SLC9A9: variants seen among roughly 807,000 people sequenced by gnomAD.
SLC9A9 encodes sodium/hydrogen exchanger 9.
In SLC9A9, 62 loss-of-function variants were observed where a neutral mutation model predicts 77.8. That is an observed-to-expected ratio of 0.80 (90% CI 0.65 to 0.98). The LOEUF (loss-of-function observed/expected upper bound fraction) is 0.98, where lower values mean the gene tolerates loss of function less well. Ranked by LOEUF, SLC9A9 falls within the 50% of genes least tolerant of loss-of-function variation. The pLI is 0.00. For missense variants in SLC9A9, 775 were observed against 774.9 expected (o/e 1.00, Z 0.00); for synonymous variants, 320 against 283.5 (o/e 1.13, Z -1.29).
At chr3:143,755,351 G>A (rs1442137144) in intron 4 of SLC9A9, among the ~76,000 whole-genome samples, 3 of 152,184 alleles carry the variant, frequency 2.0e-5, no homozygotes, top group Non-Finnish European at 4.4e-5. Flanking sequence ...CCCCAAAATA[G>A]TTATGTGACC....
At chr3:143,828,360 A>G (rs2009351030) in intron 2 of SLC9A9, among the ~76,000 whole-genome samples, 1 of 152,168 alleles carries the variant, frequency 6.6e-6, no homozygotes, top group African/African-American at 2.4e-5. Context: ...AGCAGCTATT[A>G]GGCATGGGGC....
At chr3:143,417,846 C>G (rs186032968) in intron 12 of SLC9A9, among the ~76,000 whole-genome samples, 2 of 152,116 alleles carry the variant, frequency 1.3e-5, no homozygotes, top group Admixed American at 1.3e-4. Flanking sequence ...GGCCATGGAA[C>G]TATGGAAGAG....
At chr3:143,628,701 A>G (rs2038371133) in intron 6 of SLC9A9, among the ~76,000 whole-genome samples, 2 of 152,206 alleles carry the variant, frequency 1.3e-5, no homozygotes, top group Admixed American at 6.6e-5. Context: ...CTGTTAGAAT[A>G]ATCATTTTTT....
chr3:143,734,293 T>A (rs1020306708), intron 4 of SLC9A9, among the ~76,000 whole-genome samples: 1 of 151,984 alleles, frequency 6.6e-6, no homozygotes, highest in Non-Finnish European at 1.5e-5. Context: ...GTGATTTGAG[T>A]TGAAAAATAA....
intron 12 of SLC9A9, among the ~76,000 whole-genome samples, chr3:143,462,912 A>C (rs2035219450): frequency 6.6e-6 from 1 of 152,222 alleles, no homozygotes; most frequent in Non-Finnish European, 1.5e-5. Flanking sequence ...CTGATTCTGC[A>C]GCCTGGCGGT....
At chr3:143,811,619 G>T (rs1038741880) in intron 2 of SLC9A9, 2 of 452,022 alleles carry the variant, frequency 4.4e-6, no homozygotes, top group African/African-American at 2.0e-5. Flanking sequence ...GCCGACGTGG[G>T]TGGATCATTT....
chr3:143,794,244 C>G (rs2008306260), intron 4 of SLC9A9, among the ~76,000 whole-genome samples: 1 of 152,022 alleles, frequency 6.6e-6, no homozygotes, highest in Non-Finnish European at 1.5e-5. Context: ...CAGCTGTAGA[C>G]AGTAAAAATC....
At chr3:143,551,874 T>C (rs2108638552) in intron 9 of SLC9A9, among the ~76,000 whole-genome samples, 1 of 152,304 alleles carries the variant, frequency 6.6e-6, no homozygotes. Flanking sequence ...AATCTGTGTG[T>C]TTATGTGGAA....
At chr3:143,324,323 C>A (rs918418742) in intron 14 of SLC9A9, among the ~76,000 whole-genome samples, 19 of 152,198 alleles carry the variant, frequency 1.2e-4, no homozygotes, top group African/African-American at 4.3e-4. Context: ...GATCCTGAAG[C>A]TCCAACCGCA....
intron 4 of SLC9A9, among the ~76,000 whole-genome samples, chr3:143,739,750 C>A (rs1355641646): frequency 6.6e-6 from 1 of 152,184 alleles, no homozygotes. Context: ...ACTGCCTGAA[C>A]AACTAGACCA....
At chr3:143,544,302 C>T (rs1354413337) in intron 9 of SLC9A9, among the ~76,000 whole-genome samples, 1 of 152,158 alleles carries the variant, frequency 6.6e-6, no homozygotes, top group African/African-American at 2.4e-5. Context: ...TCTCGGTTCA[C>T]TGCAAGCTCC....
intron 14 of SLC9A9, among the ~76,000 whole-genome samples, chr3:143,342,468 A>T (rs1333460595): frequency 6.6e-6 from 1 of 152,194 alleles, no homozygotes; most frequent in Non-Finnish European, 1.5e-5. Context: ...AAGCTAGATG[A>T]TTCCTCATGA....
rs562099979 is a variant in SLC9A9 at position 143,435,605 on chromosome 3, T to A, written c.1469+31432A>T. On this transcript the variant is annotated intron_variant, in intron 12 of 15. Coordinates refer to ENST00000316549, the MANE Select transcript of SLC9A9 (RefSeq NM_173653.4). ...TGTCTTCACCTTGAATCCAACACATTGCCTGACACGTTAGACTTTCACTAT... is the reference window on the plus strand; with the variant it reads ...TGTCTTCACCTTGAATCCAACACATAGCCTGACACGTTAGACTTTCACTAT... Among the ~76,000 whole-genome samples, 5 of 152,298 alleles carry A rather than the reference T, an allele frequency of 3.3e-5. No homozygotes were observed. The South Asian group carries it at 1.0e-3, about 32-fold the overall frequency.
intron 12 of SLC9A9, among the ~76,000 whole-genome samples, chr3:143,449,002 TTA>T (rs1396437478): frequency 6.0e-5 from 1 of 16,776 alleles, no homozygotes; most frequent in Non-Finnish European, 7.5e-5. Flanking sequence ...AATTATATAA[TTA>T]TATAAAATAT....
At chr3:143,563,506 ATGCAATTTAAATGCAT>A (rs1402579991) in intron 8 of SLC9A9, among the ~76,000 whole-genome samples, 3 of 152,174 alleles carry the variant, frequency 2.0e-5, no homozygotes, top group Admixed American at 2.0e-4. Flanking sequence ...TTGATGACTG[ATGCAATTTAAATGCAT>A]TGCCTCGTCC....
chr3:143,695,936 GCTGCATAAATGT>G (rs1933627256), intron 4 of SLC9A9, among the ~76,000 whole-genome samples: 1 of 152,068 alleles, frequency 6.6e-6, no homozygotes, highest in African/African-American at 2.4e-5. Context: ...GTATTTGTTG[GCTGCATAAATGT>G]CTTCTTTTGA....
chr3:143,488,847 C>T (rs192893908), intron 11 of SLC9A9, among the ~76,000 whole-genome samples: 16 of 152,022 alleles, frequency 1.1e-4, no homozygotes, highest in African/African-American at 3.4e-4. Flanking sequence ...AAAATGCCCA[C>T]TTTGACCACT....
chr3:143,289,522 T>C (rs1003932357), intron 14 of SLC9A9, among the ~76,000 whole-genome samples: 1 of 152,134 alleles, frequency 6.6e-6, no homozygotes, highest in South Asian at 2.1e-4. Flanking sequence ...TCATGCCCCC[T>C]GTCTCATTGA....
chr3:143,301,477 A>T (rs1253947462), intron 14 of SLC9A9, among the ~76,000 whole-genome samples: 1 of 152,218 alleles, frequency 6.6e-6, no homozygotes, highest in African/African-American at 2.4e-5. Flanking sequence ...CTAGTGGAAA[A>T]GTCCACCTAT....
Sources: allele counts gnomAD v4.1 joint callset (sites outside exome capture counted in the v4.1 genomes callset), GRCh38; gene constraint gnomAD v4.1.1; transcripts MANE v1.5; gene names NCBI Gene and HGNC (gene_info 2026-07-23, HGNC 2026-07-21).